The following GNAS variants were observed in gnomAD, a reference collection of about 807,000 sequenced individuals.
GNAS encodes protein ALEX.
A neutral mutation model predicts 54.5 loss-of-function variants in GNAS; 8 were observed. That is an observed-to-expected ratio of 0.15 (90% confidence interval 0.09 to 0.26). The LOEUF (loss-of-function observed/expected upper bound fraction) is 0.26. Ranked by LOEUF, GNAS falls within the 10% of genes least tolerant of loss-of-function variation. The pLI, the probability that GNAS is intolerant of heterozygous loss-of-function variation, is 1.00. For missense variants in GNAS, 170 were observed against 529.8 expected, an observed-to-expected ratio of 0.32 and a Z score of 6.67; for synonymous variants, 204 against 191.4, an observed-to-expected ratio of 1.07 and a Z score of -0.54.
intron 1 of GNAS, among the ~76,000 whole-genome samples, chr20:58,846,531 C>A (rs1336130943): frequency 6.6e-6 from 1 of 152,196 alleles, no homozygotes; most frequent in Non-Finnish European, 1.5e-5. Flanking sequence ...AGATTTAACA[C>A]CTAGAAATCT....
upstream of GNAS, among the ~76,000 whole-genome samples, chr20:58,890,139 C>G (rs1469523616): frequency 6.6e-6 from 1 of 151,716 alleles, no homozygotes; most frequent in Non-Finnish European, 1.5e-5. Context: ...GCTGCTGGAG[C>G]AGAGGCGAAA....
Position 58,902,640 on chromosome 20 carries a change from T to C in GNAS, c.258-891T>C, listed in dbSNP as rs377208626. Among the ~76,000 whole-genome samples the C allele has an allele frequency of 1.6e-3, 245 of 151,622 alleles. 1 individual carries two copies. The highest frequency in any genetic ancestry group is 2.7e-3 in the Non-Finnish European group (185 of 67,874). ...GGGGTGGAATCTTATTTGATTCCTA[T>C]TGCACATGGACCAACATGCACTAAC... On this transcript the variant is annotated intron_variant, in intron 3 of 12. Transcript: ENST00000371085.
chr20:58,864,966 C>T (rs1037941450), intron 1 of GNAS, among the ~76,000 whole-genome samples: 4 of 151,628 alleles, frequency 2.6e-5, no homozygotes, highest in African/African-American at 4.8e-5. Flanking sequence ...CAAACACACA[C>T]GCACGCACAC....
Position 58,841,566 on chromosome 20 carries a change from C to T in GNAS, c.43+680C>T, listed in dbSNP as rs2085729507. 1.0e-6 allele frequency: 1 copy of T among 1,001,084 alleles called. No homozygotes were observed. The highest frequency in any genetic ancestry group is 1.2e-6 in the Non-Finnish European group (1 of 840,920). 62.0% of individuals were successfully genotyped at this position (1,001,084 alleles called of 1,614,324 possible). ...CAGCCTTGGCCGCCACAGCCCGCCT[C>T]CCGTCGCTCGCGGGACAGAGACCGC... On this transcript the variant is annotated intron_variant, in intron 1 of 12. Transcript: ENST00000306090. The surrounding 1 kb of genome is among the most constrained non-coding windows in gnomAD (Gnocchi z 5.0).
upstream of GNAS, chr20:58,889,202 G>C (rs1463154600): frequency 4.1e-6 from 5 of 1,208,172 alleles, no homozygotes; most frequent in South Asian, 1.4e-5. Flanking sequence ...ACCGCGGAGC[G>C]GGCTGCGTCA....
chr20:58,904,137 G>T (rs1270004061), intron 5 of GNAS, among the ~76,000 whole-genome samples: 1 of 152,084 alleles, frequency 6.6e-6, no homozygotes, highest in Non-Finnish European at 1.5e-5. Context: ...CTGAGCTATG[G>T]CAGGCTTAAT....
intron 1 of GNAS, among the ~76,000 whole-genome samples, chr20:58,866,771 AT>A (rs529087598): frequency 1.6e-3 from 238 of 147,872 alleles, no homozygotes; most frequent in African/African-American, 5.8e-3. Context: ...AACAAAGGAG[AT>A]TTTTTTCTTT....
chr20:58,855,453 G>C, intron 1 of GNAS: 1 of 930,434 alleles, frequency 1.1e-6, no homozygotes, highest in Non-Finnish European at 1.7e-6. Context: ...AGCCAAAGGC[G>C]GGAAGAACTT....
chr20:58,883,015 A>G (rs1186398327), intron 1 of GNAS: 1 of 152,062 alleles, frequency 6.6e-6, no homozygotes, highest in Non-Finnish European at 1.5e-5. Flanking sequence ...GCAAATCTTA[A>G]TTTACAATTA....
At chr20:58,899,478 G>A (rs780841898) in intron 3 of GNAS, 3 of 540,372 alleles carry the variant, frequency 5.6e-6, no homozygotes, top group Non-Finnish European at 1.1e-5. Context: ...CTTGCAGCAG[G>A]TCGTTAAGAA....
At position 58,853,688 on chromosome 20, in the gene GNAS, C is replaced by T. The variant is rs1369917446; in HGVS notation, c.43+12802C>T. On this transcript the variant is annotated intron_variant, in intron 1 of 12. Coordinates refer to the GNAS transcript ENST00000306090. The surrounding 1 kb of genome is among the most constrained non-coding windows in gnomAD (Gnocchi z 4.4). The stretch of plus-strand genomic sequence containing the variant: ...CCTTCGGCCCAGCACTCATGGAGCC[C>T]GGAGCCTTCAGTGGTGCCAGACCAG... The T allele has an allele frequency of 2.5e-6, 4 of 1,613,584 alleles. No individual in the cohort carries two copies. The highest frequency in any genetic ancestry group is 1.1e-5 in the South Asian group (1 of 91,088).
At chr20:58,900,786 C>G (rs1428863416) in intron 3 of GNAS, among the ~76,000 whole-genome samples, 1 of 152,194 alleles carries the variant, frequency 6.6e-6, no homozygotes, top group East Asian at 1.9e-4. Context: ...CGCCAACCCC[C>G]AGTATAATAT....
At chr20:58,901,706 G>A (rs943471810) in intron 3 of GNAS, among the ~76,000 whole-genome samples, 4 of 152,156 alleles carry the variant, frequency 2.6e-5, no homozygotes, top group Admixed American at 6.5e-5. Flanking sequence ...CCTTCAGCAG[G>A]TGAAGGCCCA....
chr20:58,853,839 G>A lies in GNAS; in HGVS notation c.43+12953G>A. 1.3e-6 allele frequency: 2 copies of A among 1,597,040 alleles called. No individual in the cohort carries two copies. The highest frequency in any genetic ancestry group is 1.7e-6 in the Non-Finnish European group (2 of 1,172,340). ...CCTTGCTCCAGGAGGCCCAGGTGCT[G>A]CAGGGGTCCCCGGAGCTCCTCCCGA... On this transcript the variant is annotated intron_variant, in intron 1 of 12. Transcript: ENST00000306090. The surrounding 1 kb of genome is among the most constrained non-coding windows in gnomAD (Gnocchi z 4.4).
intron 3 of GNAS, among the ~76,000 whole-genome samples, chr20:58,899,242 G>T (rs1601070342): frequency 6.6e-6 from 1 of 152,178 alleles, no homozygotes; most frequent in Non-Finnish European, 1.5e-5. Flanking sequence ...TTCAGCCTTG[G>T]ATGATCAGTT....
At chr20:58,898,909 G>T (rs1347911112) in intron 2 of GNAS, 32 bp from the exon 3 acceptor site, 1 of 1,603,034 alleles carries the variant, frequency 6.2e-7, no homozygotes, top group Non-Finnish European at 8.5e-7. Context: ...GTGCCTTGCA[G>T]ATTAGGTGAG....
chr20:58,846,039 G>A, intron 1 of GNAS, among the ~76,000 whole-genome samples: 1 of 152,140 alleles, frequency 6.6e-6, no homozygotes, highest in East Asian at 1.9e-4. Context: ...AGGGACAGAG[G>A]GTAAGTGGTG....
upstream of GNAS, among the ~76,000 whole-genome samples, chr20:58,890,168 GAAGGA>G (rs1166997281): frequency 6.6e-6 from 1 of 151,800 alleles, no homozygotes; most frequent in African/African-American, 2.4e-5. Context: ...AGAAGAAGGA[GAAGGA>G]GAGGAAGAAG....
chr20:58,855,613 G>T, intron 1 of GNAS: 3 of 712,670 alleles, frequency 4.2e-6, no homozygotes, highest in Non-Finnish European at 7.8e-6. Context: ...GCCAGCGCCA[G>T]CAACCGTAAG....
Sources: gnomAD v4.1 joint callset for allele counts (sites outside exome capture counted in the v4.1 genomes callset) on GRCh38, gnomAD v4.1.1 for gene constraint, Gnocchi (gnomAD v3.1) non-coding constraint, MANE v1.5 for transcripts, NCBI Gene and HGNC (gene_info 2026-07-23, HGNC 2026-07-21) for gene names.